Variants in NOTCH3 observed in about 807,000 individuals in gnomAD.
NOTCH3 encodes the protein neurogenic locus notch homolog protein 3.
Under a neutral mutation model 213.3 loss-of-function variants are expected in NOTCH3, and 86 were observed. The observed-to-expected ratio is 0.40, with a 90% CI of 0.34 to 0.48. The LOEUF is 0.48. NOTCH3 is among the 20% of genes least tolerant of loss of function. The pLI is 0.57. For missense variants in NOTCH3, 2,783 were observed against 3,272.6 expected (o/e 0.85, Z 3.65); for synonymous variants, 1,354 against 1,355.9 (o/e 1.00, Z 0.03).
At chr19:15,162,197 G>C (rs897292071) in intron 32 of NOTCH3, 3 of 486,302 alleles carry the variant, frequency 6.2e-6, no homozygotes, top group Admixed American at 3.3e-5. Flanking sequence ...GGCCAGGCTG[G>C]TCTCAAACTC....
Position 15,170,090 on chromosome 19 carries a change from A to G in NOTCH3, c.5195T>C (p.Leu1732Pro). 1 of 1,580,788 alleles carries G rather than the reference A, an allele frequency of 6.3e-7. No homozygotes were observed. The highest frequency in any genetic ancestry group is 8.6e-7 in the Non-Finnish European group (1 of 1,160,088). The change falls in exon 28 of 33, where the codon CTA (leucine) becomes CCA (proline). Residue 1732 changes from leucine (L) to proline (P), a missense_variant. Transcript: ENST00000263388. ...AGGTCAGAGGGGGGGCAGTACCTTT[A>G]GCCGCTTGGCCTCTGGGCACTCTGT... Reference protein sequence around the residue: ...MDTECPEAKRLKVEEPGMGAE... With the variant: ...MDTECPEAKRPKVEEPGMGAE...
chr19:15,180,340 T>C, intron 19 of NOTCH3, 84 bp from the exon 20 acceptor site: 1 of 1,454,504 alleles, frequency 6.9e-7, no homozygotes. Context: ...TTCAACATCC[T>C]TGGTGGAATG....
chr19:15,173,349 G>C (rs1447476793), intron 25 of NOTCH3, among the ~76,000 whole-genome samples: 1 of 146,590 alleles, frequency 6.8e-6, no homozygotes, highest in Non-Finnish European at 1.5e-5. Flanking sequence ...ATGAACCCGG[G>C]AGGCGGAGCT....
chr19:15,188,570 C>T (rs1394278356), intron 8 of NOTCH3, among the ~76,000 whole-genome samples: 1 of 152,078 alleles, frequency 6.6e-6, no homozygotes, highest in Non-Finnish European at 1.5e-5. Flanking sequence ...AGAGGCCTTG[C>T]CTTCAAACCC....
At position 15,188,359 on chromosome 19, in the gene NOTCH3, G is replaced by A. The variant is rs1436318035; in HGVS notation, c.1379-11C>T. On this transcript the variant is annotated splice_polypyrimidine_tract_variant and intron_variant, in intron 8 of 32. Coordinates refer to ENST00000263388, the MANE Select transcript of NOTCH3 (RefSeq NM_000435.3). ...AGGTTCCTGTGAAGCCTGGGGCAGG[G>A]AATAGGGCTTAGGAAAGCGGGGGCT... 2.6e-6 allele frequency: 4 copies of A among 1,567,190 alleles called. No individual in the cohort carries two copies. The highest frequency in any genetic ancestry group is 2.7e-5 in the African/African-American group (2 of 74,326).
chr19:15,180,601 A>G (rs2046831129), intron 19 of NOTCH3, 80 bp downstream of exon 19: 1 of 1,491,862 alleles, frequency 6.7e-7, no homozygotes, highest in African/African-American at 1.4e-5. Flanking sequence ...TGGCACCCCC[A>G]TTCGGCTCAC....
At chr19:15,180,658 C>T (rs1412408119) in intron 19 of NOTCH3, 23 bp downstream of exon 19, 9 of 1,545,408 alleles carry the variant, frequency 5.8e-6, no homozygotes, top group Non-Finnish European at 7.8e-6. Context: ...GCCCCACACG[C>T]CCGCCCACAT....
chr19:15,197,441 G>GGGGGGGCCCCCCCCCCCCCCCC, intron 2 of NOTCH3, 59 bp downstream of exon 2: 1 of 768,364 alleles, frequency 1.3e-6, no homozygotes, highest in Non-Finnish European at 2.3e-6. Flanking sequence ...AAGACAAATC[G>GGGGGGGCCCCCCCCCCCCCCCC]CCCCTCCCCC....
intron 2 of NOTCH3, among the ~76,000 whole-genome samples, 163 bp from the exon 3 acceptor site, chr19:15,192,682 C>G (rs778891453): frequency 2.0e-5 from 3 of 152,116 alleles, no homozygotes; most frequent in African/African-American, 7.2e-5. Flanking sequence ...TGGGAGGCTG[C>G]GGCGGGCAGA....
At chr19:15,173,724 CA>C (rs1212635746) in intron 25 of NOTCH3, among the ~76,000 whole-genome samples, 14 of 131,340 alleles carry the variant, frequency 1.1e-4, no homozygotes, top group Admixed American at 4.6e-4. Context: ...GACTCCGTCT[CA>C]AAAAAAAAAA....
chr19:15,179,194 C>A lies in NOTCH3; in HGVS notation c.3549G>T (p.Val1183=), dbSNP rs751874575. The A allele has an allele frequency of 2.5e-6, 4 of 1,613,874 alleles. No individual in the cohort carries two copies. The highest frequency in any genetic ancestry group is 3.3e-4 in the Middle Eastern group (2 of 6,084). ...TGCAGCGGAAACCACCCACCAGGTC[C>A]ACGCAGGTGCCATTGTGTAGGCACC... ...GPRCLHNGTC[V]DLVGGFRCTC... is the part of the protein sequence containing the mutation. The change falls in exon 22 of 33, where the codon GTG becomes GTT. Residue 1183 remains valine, a synonymous_variant. Transcript: ENST00000263388.
In NOTCH3 at chr19:15,160,375, GAAGGA is replaced by G. The variant is rs2046629939; in HGVS notation, c.*282_*286del. 4 of 465,748 alleles carry G rather than the reference GAAGGA, an allele frequency of 8.6e-6. No individual in the cohort carries two copies. Among genetic ancestry groups the G allele is most frequent in the South Asian group, 3.3e-5 (1 of 30,062 alleles). 28.9% of individuals were successfully genotyped at this position (465,748 alleles called of 1,614,324 possible). A position where few individuals can be genotyped will look rare whatever the true frequency, so the allele number is the denominator to read the frequency against. On this transcript the variant is annotated 3_prime_UTR_variant, in exon 33 of 33. Transcript: ENST00000263388. ...CAGAGTGTAAGGAAATGAGAGGCCA[GAAGGA>G]GAGAGAAAGGAATGAGGGAAGAGAG...
chr19:15,173,759 G>GAA (rs1332812935), intron 25 of NOTCH3, among the ~76,000 whole-genome samples: 1 of 2,528 alleles, frequency 4.0e-4, no homozygotes, highest in African/African-American at 7.7e-3. Flanking sequence ...AGAAGGAGAA[G>GAA]GAGAAGGAGA....
chr19:15,167,859 G>T (rs139048234), intron 28 of NOTCH3, among the ~76,000 whole-genome samples: 63 of 150,166 alleles, frequency 4.2e-4, no homozygotes, highest in African/African-American at 1.5e-3. Flanking sequence ...CATAGCCCAA[G>T]GAGGTAATAA....
At position 15,188,987 on chromosome 19, in the gene NOTCH3, A is replaced by T. The variant is rs952121414; in HGVS notation, c.1378+2T>A. 6.2e-7 allele frequency: 1 copy of T among 1,607,016 alleles called. No homozygotes were observed. Among genetic ancestry groups the T allele is most frequent in the Admixed American group, 1.7e-5 (1 of 59,218 alleles). On this transcript the variant is annotated splice_donor_variant, in intron 8 of 32. Transcript: ENST00000263388. LOFTEE classifies it high-confidence loss of function. ...CCCGCCCAGGCCACGCCCACCACCCACCTGCCATACAGATACAGGTGAACT... is the reference window on the plus strand; with the variant it reads ...CCCGCCCAGGCCACGCCCACCACCCTCCTGCCATACAGATACAGGTGAACT...
intron 25 of NOTCH3, among the ~76,000 whole-genome samples, chr19:15,172,668 C>CTTT (rs762705777): frequency 1.4e-5 from 2 of 139,896 alleles, no homozygotes; most frequent in African/African-American, 2.6e-5. Context: ...TTTTCTTTTT[C>CTTT]TTTTTTTTTT....
At chr19:15,188,210 G>A (rs1483744968) in intron 9 of NOTCH3, 25 bp downstream of exon 9, 9 of 1,531,598 alleles carry the variant, frequency 5.9e-6, no homozygotes, top group Non-Finnish European at 8.0e-6. Context: ...ATGTCTTTTC[G>A]GGCTCCCTCT....
At chr19:15,172,705 G>A (rs535175831) in intron 25 of NOTCH3, among the ~76,000 whole-genome samples, 1 of 133,272 alleles carries the variant, frequency 7.5e-6, no homozygotes, top group Non-Finnish European at 1.6e-5. Flanking sequence ...TGGCTCTGTT[G>A]CCCCGGCTGG....
chr19:15,183,829 T>A (rs938703314), intron 16 of NOTCH3, among the ~76,000 whole-genome samples: 6 of 152,050 alleles, frequency 3.9e-5, no homozygotes, highest in African/African-American at 1.4e-4. Context: ...GACAGGTAGA[T>A]TGCTTGAGCC....
Sources: gnomAD v4.1 joint callset for allele counts (sites outside exome capture counted in the v4.1 genomes callset) on GRCh38, gnomAD v4.1.1 for gene constraint, MANE v1.5 for transcripts, NCBI Gene and HGNC (gene_info 2026-07-23, HGNC 2026-07-21) for gene names.